Variants in NCALD observed in about 807,000 individuals in gnomAD.
NCALD encodes neurocalcin-delta.
A neutral mutation model predicts 18.6 loss-of-function variants in NCALD; 10 were observed. The observed-to-expected ratio is 0.54, with a 90% CI of 0.33 to 0.91. NCALD has a LOEUF of 0.91. NCALD is among the 40% of genes least tolerant of loss of function. The probability of loss-of-function intolerance (pLI) is 0.03; values close to 1 mark genes in which losing one functional copy is unlikely to be tolerated. For missense variants in NCALD, 184 were observed against 247.6 expected (o/e 0.74, Z 1.72); for synonymous variants, 88 against 87.4 (o/e 1.01, Z -0.04).
At chr8:102,053,839 C>T (rs752953970) in intron 1 of NCALD, among the ~76,000 whole-genome samples, 2 of 152,138 alleles carry the variant, frequency 1.3e-5, no homozygotes, top group African/African-American at 2.4e-5. Flanking sequence ...AAGGAAGCTA[C>T]CCAACTATGC....
intron 1 of NCALD, among the ~76,000 whole-genome samples, chr8:102,061,362 T>C (rs1823843697): frequency 2.0e-5 from 3 of 152,256 alleles, no homozygotes; most frequent in Non-Finnish European, 4.4e-5. Context: ...CACTGACATT[T>C]GGGACCTAAA....
At chr8:101,796,233 C>A (rs897305737) in intron 4 of NCALD, among the ~76,000 whole-genome samples, 1 of 152,170 alleles carries the variant, frequency 6.6e-6, no homozygotes, top group Non-Finnish European at 1.5e-5. Flanking sequence ...GAAAAATCGA[C>A]CCTCTTTAAA....
At chr8:101,757,705 G>C (rs907764924) in intron 1 of NCALD, among the ~76,000 whole-genome samples, 2 of 151,780 alleles carry the variant, frequency 1.3e-5, no homozygotes, top group Non-Finnish European at 2.9e-5. Flanking sequence ...ATTTATTATA[G>C]TGTTTCCCCT....
chr8:101,727,905 C>G (rs1302258051), intron 1 of NCALD, among the ~76,000 whole-genome samples: 3 of 152,168 alleles, frequency 2.0e-5, no homozygotes, highest in Admixed American at 6.5e-5. Context: ...GACTGCGCAC[C>G]CTTTTCTATT....
chr8:101,836,629 C>A (rs1814424626), intron 4 of NCALD, among the ~76,000 whole-genome samples: 1 of 152,168 alleles, frequency 6.6e-6, no homozygotes, highest in African/African-American at 2.4e-5. Flanking sequence ...TATGGCTAAA[C>A]AACATTTAAA....
chr8:101,822,849 A>C (rs1813777019), intron 4 of NCALD, among the ~76,000 whole-genome samples: 1 of 151,602 alleles, frequency 6.6e-6, no homozygotes, highest in African/African-American at 2.4e-5. Context: ...GTTACCCAAC[A>C]CTCCCTCTTT....
chr8:101,872,522 A>G (rs1036794038), intron 4 of NCALD: 2 of 715,960 alleles, frequency 2.8e-6, no homozygotes, highest in African/African-American at 1.7e-5. Context: ...ATGTCATTCC[A>G]CTCAGTGTCT....
rs1354825147 is a variant in NCALD, at chr8:101,937,028, C to T, written c.-156-21170G>A. ...TGTTTCATAATATTTGCTACATCTT[C>T]CAACTTCTGGCAATCACAGAGATGA... On this transcript the variant is annotated intron_variant, in intron 2 of 6. Transcript: ENST00000311028. 2.6e-5 allele frequency among the ~76,000 whole-genome samples: 4 copies of T among 152,098 alleles called. No individual in the cohort carries two copies. The East Asian group carries it at 5.8e-4, about 22-fold the overall frequency.
At chr8:101,734,799 C>T (rs1197778591) in intron 1 of NCALD, among the ~76,000 whole-genome samples, 1 of 152,212 alleles carries the variant, frequency 6.6e-6, no homozygotes, top group Non-Finnish European at 1.5e-5. Context: ...ACAACAACAA[C>T]CCACAGTGTT....
intron 1 of NCALD, among the ~76,000 whole-genome samples, chr8:102,075,929 G>C (rs1824329092): frequency 6.6e-6 from 1 of 151,238 alleles, no homozygotes; most frequent in South Asian, 2.1e-4. Context: ...TCCAGCCTGG[G>C]TGACAGAGCG....
chr8:102,123,397 C>T (rs960346667), intron 1 of NCALD, among the ~76,000 whole-genome samples: 8 of 150,414 alleles, frequency 5.3e-5, no homozygotes, highest in Admixed American at 2.0e-4. Flanking sequence ...GGCAGGAGCT[C>T]TGCAGAGCCA....
Position 101,781,918 on chromosome 8 carries a change from G to A in NCALD, c.-20+8944C>T, listed in dbSNP as rs555004243. The stretch of plus-strand genomic sequence containing the variant: ...ATAGTTGCCAGACACTTATATTGAT[G>A]ATCAGTATTCAAAGATTTCAGGTGT... On this transcript the variant is annotated intron_variant, in intron 1 of 3. Coordinates refer to ENST00000220931, the MANE Select transcript of NCALD (RefSeq NM_032041.3). Among the ~76,000 whole-genome samples the A allele has an allele frequency of 4.6e-5, 7 of 151,790 alleles. No homozygotes were observed. The South Asian group carries it at 1.5e-3, about 32-fold the overall frequency.
chr8:102,078,186 C>CT (rs1360210670), intron 1 of NCALD, among the ~76,000 whole-genome samples: 11 of 152,052 alleles, frequency 7.2e-5, no homozygotes, highest in East Asian at 3.9e-4. Context: ...CAATTTATCT[C>CT]TTCTTTTTAT....
chr8:101,709,347 A>G (rs984430312), intron 2 of NCALD, among the ~76,000 whole-genome samples: 5 of 152,172 alleles, frequency 3.3e-5, no homozygotes, highest in Admixed American at 6.5e-5. Context: ...TCACATGCCT[A>G]TTCTTCCTTT....
chr8:101,946,834 A>AAAT lies in NCALD; in HGVS notation c.-156-30977_-156-30976insATT, dbSNP rs1491436814. 3.6e-4 allele frequency among the ~76,000 whole-genome samples: 50 copies of AAAT among 139,740 alleles called. No homozygotes were observed. In the South Asian group the frequency reaches 7.1e-3, roughly 20 times the overall value. The allele number at this position is 139,740 out of a possible 152,430, so 91.7% of individuals were successfully genotyped here. A position where few individuals can be genotyped will look rare whatever the true frequency, so the allele number is the denominator to read the frequency against. ...CAAAAAAAAAAAAAAAAAAAAAAAA[A>AAAT]ATCTTGTTTGTGCCCTAATTGAAGA... On this transcript the variant is annotated intron_variant, in intron 2 of 6. Coordinates refer to the NCALD transcript ENST00000311028.
chr8:101,698,575 A>G (rs1383579257), intron 2 of NCALD, among the ~76,000 whole-genome samples: 1 of 152,236 alleles, frequency 6.6e-6, no homozygotes, highest in Non-Finnish European at 1.5e-5. Flanking sequence ...TACTGGTACC[A>G]AAACAGACAT....
intron 2 of NCALD, among the ~76,000 whole-genome samples, chr8:101,960,856 G>A (rs1321090768): frequency 4.6e-5 from 7 of 152,016 alleles, no homozygotes. Flanking sequence ...CCTCCGTGGG[G>A]CTTTGCATTT....
chr8:101,777,331 G>C (rs935237388), intron 1 of NCALD, among the ~76,000 whole-genome samples: 2 of 152,196 alleles, frequency 1.3e-5, no homozygotes, highest in African/African-American at 4.8e-5. Context: ...TAGCTTAATG[G>C]AGAAGACAGA....
At chr8:101,851,734 A>G (rs1815101202) in intron 4 of NCALD, among the ~76,000 whole-genome samples, 1 of 152,172 alleles carries the variant, frequency 6.6e-6, no homozygotes, top group Non-Finnish European at 1.5e-5. Flanking sequence ...CACACCAGGC[A>G]TGCTAAGTAC....
Sources: allele counts gnomAD v4.1 joint callset (sites outside exome capture counted in the v4.1 genomes callset), GRCh38; gene constraint gnomAD v4.1.1; transcripts MANE v1.5; gene names NCBI Gene and HGNC (gene_info 2026-07-23, HGNC 2026-07-21).